Variants in CBX1 observed in about 807,000 individuals in gnomAD.
The protein encoded by CBX1 is chromobox 1, also known as chromobox protein homolog 1.
CBX1 carries 10 observed loss-of-function variants against 25.1 expected under a neutral mutation model. The observed-to-expected ratio is 0.40, with a 90% CI of 0.25 to 0.68. The LOEUF is 0.68. Ranked by LOEUF, CBX1 falls within the 30% of genes least tolerant of loss-of-function variation. The pLI is 0.40. For synonymous variants in CBX1, 63 were observed against 79.4 expected (o/e 0.79, Z 1.10); for missense variants, 106 against 218.5 (o/e 0.49, Z 3.25).
At chr17:48,080,951 A>AATATATATATATATATAT (rs1323670486) in intron 1 of CBX1, among the ~76,000 whole-genome samples, 3 of 33,274 alleles carry the variant, frequency 9.0e-5, no homozygotes, top group Non-Finnish European at 1.6e-4. Context: ...AAAAAAAAAA[A>AATATATATATATATATAT]ATATATATAT....
Position 48,082,843 on chromosome 17 carries a change from A to T in CBX1, c.-37-5802T>A, listed in dbSNP as rs1361847009. On this transcript the variant is annotated intron_variant, in intron 1 of 4. Coordinates refer to ENST00000225603, the MANE Select transcript of CBX1 (RefSeq NM_001127228.2). ...GTAAGCCACTGTGCCAGGTAATTTT[A>T]TTTTTTTTTAATGACACAATTATCT... is the stretch of plus-strand genomic sequence containing the variant. Among the ~76,000 whole-genome samples, 31 of 125,768 alleles carry T rather than the reference A, an allele frequency of 2.5e-4. 3 individuals carry two copies. The highest frequency in any genetic ancestry group is 6.7e-4 in the African/African-American group (21 of 31,282). The allele number at this position is 125,768 out of a possible 152,430, so 82.5% of individuals were successfully genotyped here.
Position 48,071,436 on chromosome 17 carries a change from T to C in CBX1, c.557A>G (p.Ter186=). ...EDDDKKDDKN[*] ...GACAGGGGCTGGTACTCAGGAGCGT[T>C]AGTTCTTGTCATCTTTTTTGTCATC... Residue 186 remains the stop codon, a stop_retained_variant, in exon 5 of 5, where the codon TAA becomes TGA. Coordinates refer to ENST00000225603, the MANE Select transcript of CBX1 (RefSeq NM_001127228.2). 4 of 1,607,742 alleles carry C rather than the reference T, an allele frequency of 2.5e-6. No homozygotes were observed. The highest frequency in any genetic ancestry group is 3.4e-6 in the Non-Finnish European group (4 of 1,177,634).
At chr17:48,099,996 G>A (rs1447038232) in intron 1 of CBX1, among the ~76,000 whole-genome samples, 1 of 151,792 alleles carries the variant, frequency 6.6e-6, no homozygotes, top group African/African-American at 2.4e-5. Context: ...AAAATTAGCC[G>A]GGCGTGGTGG....
intron 1 of CBX1, among the ~76,000 whole-genome samples, chr17:48,082,610 C>T (rs2144445023): frequency 6.8e-6 from 1 of 147,970 alleles, no homozygotes; most frequent in Non-Finnish European, 1.5e-5. Context: ...AATATCAGTT[C>T]ACTGCAACCT....
chr17:48,082,739 T>C lies in CBX1; in HGVS notation c.-37-5698A>G, dbSNP rs2037751589. Among the ~76,000 whole-genome samples, 2 of 149,980 alleles carry C rather than the reference T, an allele frequency of 1.3e-5. 1 individual carries two copies. Among genetic ancestry groups the C allele is most frequent in the African/African-American group, 5.1e-5 (2 of 39,450 alleles). On this transcript the variant is annotated intron_variant, in intron 1 of 4. Coordinates refer to ENST00000225603, the MANE Select transcript of CBX1 (RefSeq NM_001127228.2). ...TTTTAGTAAAGACGTGGTTTCACCATGTTGGCCAGGCTGGTCTCAAACGCT... is the reference window on the plus strand; with the variant it reads ...TTTTAGTAAAGACGTGGTTTCACCACGTTGGCCAGGCTGGTCTCAAACGCT...
intron 1 of CBX1, among the ~76,000 whole-genome samples, chr17:48,099,721 C>G (rs1312950917): frequency 1.3e-5 from 2 of 152,168 alleles, no homozygotes; most frequent in Admixed American, 6.6e-5. Flanking sequence ...TTACCCTGGG[C>G]TAGGGGTTCT....
At chr17:48,095,076 G>C (rs1489076584) in intron 1 of CBX1, among the ~76,000 whole-genome samples, 2 of 151,952 alleles carry the variant, frequency 1.3e-5, no homozygotes, top group African/African-American at 4.8e-5. Context: ...AAAGAAAGTA[G>C]TGTGCTCCTG....
rs551242576 is a variant in CBX1, at chr17:48,075,062, C to T, written c.357G>A (p.Pro119=). ...AGTCTGTAGCTCCAATAATCCGCTC[C>T]GGCTCCAAACCTCGAGCAAAGCCTC... ...KPRGFARGLE[P]ERIIGATDSS... Residue 119 remains proline, a synonymous_variant, in exon 4 of 5, where the codon CCG becomes CCA. Transcript: ENST00000225603. 298 of 1,614,114 alleles carry T rather than the reference C, an allele frequency of 1.8e-4. 1 individual carries two copies. In the South Asian group the frequency reaches 2.9e-3, roughly 16 times the overall value.
At chr17:48,074,000 A>T in intron 4 of CBX1, among the ~76,000 whole-genome samples, 1 of 152,152 alleles carries the variant, frequency 6.6e-6, no homozygotes, top group Non-Finnish European at 1.5e-5. Flanking sequence ...CTTAAAAATG[A>T]ACTTTTCTCT....
intron 1 of CBX1, among the ~76,000 whole-genome samples, chr17:48,077,424 ATTTTTGTTGTTTTTTTTTTTGTTT>A (rs1357671354): frequency 1.7e-5 from 2 of 116,512 alleles, no homozygotes; most frequent in African/African-American, 4.0e-5. Context: ...AGCCCAGCTA[ATTTTTGTTGTTTTTTTTTTTGTTT>A]TTTTTGTTTT....
intron 1 of CBX1, among the ~76,000 whole-genome samples, chr17:48,086,621 T>C (rs934695081): frequency 1.3e-5 from 2 of 151,668 alleles, no homozygotes; most frequent in Non-Finnish European, 2.9e-5. Flanking sequence ...TTTGGGAGGC[T>C]GAGGCAGGCA....
In CBX1 at chr17:48,070,326, TA is replaced by T. The variant is rs1479102235; in HGVS notation, c.*1108del. On this transcript the variant is annotated 3_prime_UTR_variant, in exon 5 of 5. Coordinates refer to ENST00000225603, the MANE Select transcript of CBX1 (RefSeq NM_001127228.2). Reference sequence around the variant, plus strand: ...TGAACCACTGCCCAATATGAAAGTTTAATCTTCTCCTGAGACCAAGGCTTTT... The same window carrying T: ...TGAACCACTGCCCAATATGAAAGTTTATCTTCTCCTGAGACCAAGGCTTTT... 6.6e-6 allele frequency: 1 copy of T among 152,658 alleles called. No homozygotes were observed. The highest frequency in any genetic ancestry group is 6.5e-5 in the Admixed American group (1 of 15,274). The allele number at this position is 152,658 out of a possible 1,614,324, so 9.5% of individuals were successfully genotyped here.
At chr17:48,071,611 C>CA in intron 4 of CBX1, 32 bp from the exon 5 acceptor site, 9 of 1,565,540 alleles carry the variant, frequency 5.7e-6, no homozygotes, top group Non-Finnish European at 7.8e-6. Context: ...GACTTTGAGA[C>CA]CAGGTGCTGG....
chr17:48,080,342 C>T (rs1259515973), intron 1 of CBX1, among the ~76,000 whole-genome samples: 1 of 152,088 alleles, frequency 6.6e-6, no homozygotes, highest in Non-Finnish European at 1.5e-5. Flanking sequence ...CCGGACCCAA[C>T]TCTTTGACTT....
At chr17:48,075,351 C>A (rs1011519320) in intron 3 of CBX1, among the ~76,000 whole-genome samples, 1 of 135,438 alleles carries the variant, frequency 7.4e-6, no homozygotes, top group African/African-American at 3.1e-5. Context: ...CATGCCACCA[C>A]GTCAGCTAAT....
intron 1 of CBX1, among the ~76,000 whole-genome samples, chr17:48,081,248 T>G (rs2037735506): frequency 6.6e-6 from 1 of 151,434 alleles, no homozygotes; most frequent in Non-Finnish European, 1.5e-5. Flanking sequence ...ATCCACCTGA[T>G]CCTTCTGCTA....
intron 1 of CBX1, 181 bp downstream of exon 1, chr17:48,101,087 C>T (rs1030026137): frequency 2.0e-6 from 2 of 986,336 alleles, no homozygotes; most frequent in African/African-American, 3.5e-5. Flanking sequence ...GCAGCTGGCA[C>T]CGACGCCTCA....
intron 1 of CBX1, 53 bp downstream of exon 1, chr17:48,101,215 C>T (rs2063408413): frequency 3.0e-6 from 3 of 990,014 alleles, no homozygotes; most frequent in African/African-American, 3.5e-5. Flanking sequence ...CTCCCGCCGC[C>T]GCCGCCGCCG....
chr17:48,098,579 C>A (rs561692869), intron 1 of CBX1, among the ~76,000 whole-genome samples: 1 of 152,238 alleles, frequency 6.6e-6, no homozygotes, highest in East Asian at 1.9e-4. Context: ...CTCATGGCAA[C>A]CTCTGCCTCC....
Sources: allele counts gnomAD v4.1 joint callset (sites outside exome capture counted in the v4.1 genomes callset), GRCh38; gene constraint gnomAD v4.1.1; transcripts MANE v1.5; gene names NCBI Gene and HGNC (gene_info 2026-07-23, HGNC 2026-07-21).